Variants in LAMA2 observed in about 807,000 individuals in gnomAD.
The protein encoded by LAMA2 is laminin subunit alpha 2, also known as laminin subunit alpha-2.
A neutral mutation model predicts 364.8 loss-of-function variants in LAMA2; 269 were observed. The observed-to-expected ratio is 0.74, with a 90% CI of 0.67 to 0.82. The LOEUF (loss-of-function observed/expected upper bound fraction) is 0.82, where lower values mean the gene tolerates loss of function less well. LAMA2 is among the 40% of genes least tolerant of loss of function. The pLI is 0.00. For missense variants in LAMA2, 3,807 were observed against 3,873.2 expected, an observed-to-expected ratio of 0.98 and a Z score of 0.45; for synonymous variants, 1,379 against 1,370.6, an observed-to-expected ratio of 1.01 and a Z score of -0.14.
intron 1 of LAMA2, among the ~76,000 whole-genome samples, chr6:128,990,254 T>C (rs1002868999): frequency 1.3e-5 from 2 of 152,190 alleles, no homozygotes; most frequent in South Asian, 4.1e-4. Flanking sequence ...TACTCTCTTT[T>C]GTATTTACTA....
intron 1 of LAMA2, among the ~76,000 whole-genome samples, chr6:128,931,261 T>G (rs188718382): frequency 6.6e-6 from 1 of 152,286 alleles, no homozygotes; most frequent in East Asian, 1.9e-4. Context: ...ATAAATGAAT[T>G]CCCAAATGAT....
intron 1 of LAMA2, among the ~76,000 whole-genome samples, chr6:128,955,933 A>T (rs531837273): frequency 6.6e-6 from 1 of 151,994 alleles, no homozygotes; most frequent in Non-Finnish European, 1.5e-5. Context: ...ATGCAAAAAC[A>T]TTCAGTAAAA....
At chr6:129,391,374 C>A (rs777394076) in intron 35 of LAMA2, 117 bp from the exon 36 acceptor site, 1 of 858,096 alleles carries the variant, frequency 1.2e-6, no homozygotes, top group Admixed American at 1.7e-5. Context: ...CCAGCAGGAA[C>A]ACTCACGGCA....
chr6:129,144,169 T>C (rs1233292800), intron 5 of LAMA2, 89 bp downstream of exon 5: 3 of 968,222 alleles, frequency 3.1e-6, no homozygotes, highest in Non-Finnish European at 4.9e-6. Context: ...TTTTCAGTGA[T>C]TTGTAGGAGT....
At chr6:128,989,737 A>G (rs1288736961) in intron 1 of LAMA2, among the ~76,000 whole-genome samples, 1 of 152,192 alleles carries the variant, frequency 6.6e-6, no homozygotes, top group Non-Finnish European at 1.5e-5. Context: ...GGGTTAGTTT[A>G]TTTGAGCTGC....
chr6:129,208,616 GAAGAAAGAAAGA>G (rs140073793), intron 12 of LAMA2, among the ~76,000 whole-genome samples: 1 of 139,632 alleles, frequency 7.2e-6, no homozygotes, highest in African/African-American at 2.9e-5. Flanking sequence ...AGAAAGAATG[GAAGAAAGAAAGA>G]AAGAAGAAAG....
At position 129,144,421 on chromosome 6, in the gene LAMA2, C is replaced by T. The variant is rs539207510; in HGVS notation, c.819+341C>T. Among the ~76,000 whole-genome samples, 3 of 152,036 alleles carry T rather than the reference C, an allele frequency of 2.0e-5. No homozygotes were observed. The East Asian group carries it at 5.8e-4, about 29-fold the overall frequency. Reference sequence around the variant, plus strand: ...CCTTTGTCACCTTAGGGGATCTATACTACTATTATAATTGGCTTTGGCGAG... The same window carrying T: ...CCTTTGTCACCTTAGGGGATCTATATTACTATTATAATTGGCTTTGGCGAG... On this transcript the variant is annotated intron_variant, in intron 5 of 64. Coordinates refer to ENST00000421865, the MANE Select transcript of LAMA2 (RefSeq NM_000426.4).
At chr6:129,125,273 C>G (rs549220003) in intron 4 of LAMA2, among the ~76,000 whole-genome samples, 1 of 152,170 alleles carries the variant, frequency 6.6e-6, no homozygotes, top group South Asian at 2.1e-4. Flanking sequence ...CTGAAAATGT[C>G]TATTAGACAT....
intron 1 of LAMA2, among the ~76,000 whole-genome samples, chr6:128,976,005 A>C (rs1782508023): frequency 6.6e-6 from 1 of 152,210 alleles, no homozygotes; most frequent in Non-Finnish European, 1.5e-5. Context: ...AATCCCTCTA[A>C]CTGCAATGTG....
chr6:129,229,486 G>C (rs144761571), intron 12 of LAMA2, among the ~76,000 whole-genome samples: 1 of 152,136 alleles, frequency 6.6e-6, no homozygotes, highest in Non-Finnish European at 1.5e-5. Flanking sequence ...GCACACTGTA[G>C]TTAATGTCTT....
At chr6:129,336,085 C>T (rs1158608912) in intron 29 of LAMA2, among the ~76,000 whole-genome samples, 2 of 152,166 alleles carry the variant, frequency 1.3e-5, no homozygotes, top group African/African-American at 4.8e-5. Flanking sequence ...ATTGTCATCT[C>T]CAGTGAAACT....
intron 29 of LAMA2, among the ~76,000 whole-genome samples, chr6:129,335,392 A>ATAGG (rs1042450747): frequency 1.3e-5 from 2 of 152,046 alleles, no homozygotes; most frequent in Non-Finnish European, 2.9e-5. Context: ...AGATAGATAG[A>ATAGG]TAGATACAGA....
intron 53 of LAMA2, among the ~76,000 whole-genome samples, 187 bp downstream of exon 53, chr6:129,475,588 T>C (rs527891933): frequency 6.6e-6 from 1 of 151,894 alleles, no homozygotes; most frequent in East Asian, 1.9e-4. Flanking sequence ...ATTCTGCTGC[T>C]TACCCACCAT....
chr6:129,385,582 A>T (rs1583627103), intron 35 of LAMA2, among the ~76,000 whole-genome samples: 1 of 152,184 alleles, frequency 6.6e-6, no homozygotes, highest in East Asian at 1.9e-4. Flanking sequence ...ATCTTTCATT[A>T]TGAGTCATGA....
At chr6:129,208,620 AAAG>A (rs1370124365) in intron 12 of LAMA2, among the ~76,000 whole-genome samples, 1 of 104,274 alleles carries the variant, frequency 9.6e-6, no homozygotes, top group African/African-American at 4.3e-5. Flanking sequence ...AGAATGGAAG[AAAG>A]AAAGAAAGAA....
chr6:129,266,288 A>G (rs556910628), intron 15 of LAMA2, among the ~76,000 whole-genome samples: 2 of 152,258 alleles, frequency 1.3e-5, no homozygotes, highest in Admixed American at 1.3e-4. Context: ...GGAAAACTTA[A>G]TTAAGGATGA....
intron 1 of LAMA2, among the ~76,000 whole-genome samples, chr6:128,972,989 T>C (rs2114620715): frequency 6.6e-6 from 1 of 152,250 alleles, no homozygotes; most frequent in East Asian, 1.9e-4. Flanking sequence ...TTCAACTGAA[T>C]GGCAACTATG....
intron 12 of LAMA2, among the ~76,000 whole-genome samples, chr6:129,238,054 A>G (rs1323081206): frequency 2.0e-5 from 3 of 151,452 alleles, no homozygotes; most frequent in Non-Finnish European, 2.9e-5. Flanking sequence ...AATTCCAGCT[A>G]CTTGGGAGGC....
intron 18 of LAMA2, among the ~76,000 whole-genome samples, chr6:129,282,618 G>A (rs1178944895): frequency 1.3e-5 from 2 of 152,092 alleles, no homozygotes; most frequent in Non-Finnish European, 2.9e-5. Flanking sequence ...TTTCACCCAA[G>A]CATGTTTCTG....
Sources: gnomAD v4.1 joint callset for allele counts (sites outside exome capture counted in the v4.1 genomes callset) on GRCh38, gnomAD v4.1.1 for gene constraint, MANE v1.5 for transcripts, NCBI Gene and HGNC (gene_info 2026-07-23, HGNC 2026-07-21) for gene names.